Variants in UGT1A10 observed in about 807,000 individuals in gnomAD.
The protein encoded by UGT1A10 is UDP-glucuronosyltransferase 1A10.
A neutral mutation model predicts 45.8 loss-of-function variants in UGT1A10; 49 were observed. The observed-to-expected ratio is 1.07, with a 90% CI of 0.85 to 1.36. The LOEUF is 1.36. UGT1A10 is among the 40% of genes most tolerant of loss of function. The pLI, the probability that UGT1A10 is intolerant of heterozygous loss-of-function variation, is 0.00. For missense variants in UGT1A10, 745 were observed against 668.6 expected (o/e 1.11, Z -1.26); for synonymous variants, 284 against 249.7 (o/e 1.14, Z -1.29).
intron 1 of UGT1A10, among the ~76,000 whole-genome samples, chr2:233,703,657 T>C (rs757009493): frequency 5.9e-5 from 9 of 152,190 alleles, no homozygotes; most frequent in Non-Finnish European, 1.0e-4. Flanking sequence ...GCATTTCTTT[T>C]GGTTGCTGTT....
chr2:233,678,363 C>T (rs529692240), intron 1 of UGT1A10, among the ~76,000 whole-genome samples: 3 of 152,166 alleles, frequency 2.0e-5, no homozygotes, highest in Non-Finnish European at 4.4e-5. Flanking sequence ...CCATCCTCAT[C>T]ATCTTCCATT....
At chr2:233,689,950 A>C (rs2074967495) in intron 1 of UGT1A10, 1 of 456,442 alleles carries the variant, frequency 2.2e-6, no homozygotes, top group Non-Finnish European at 4.4e-6. Flanking sequence ...ATTTTCCTTT[A>C]TTTCCATGCT....
At position 233,701,657 on chromosome 2, in the gene UGT1A10, G is replaced by A. The variant is rs1037742895; in HGVS notation, c.855+64280G>A. On this transcript the variant is annotated intron_variant, in intron 1 of 4. Coordinates refer to ENST00000344644, the MANE Select transcript of UGT1A10 (RefSeq NM_019075.4). ...ATAGCAAACTGTCTCTCAGACCACA[G>A]TGCAATCAAACTAGAACTCAGAATT... Among the ~76,000 whole-genome samples, 7 of 152,304 alleles carry A rather than the reference G, an allele frequency of 4.6e-5. No individual in the cohort carries two copies. The East Asian group carries it at 9.6e-4, about 21-fold the overall frequency.
intron 1 of UGT1A10, among the ~76,000 whole-genome samples, chr2:233,735,786 T>C (rs1470873966): frequency 1.3e-5 from 2 of 152,218 alleles, no homozygotes; most frequent in Non-Finnish European, 2.9e-5. Context: ...TTTGGCTGCA[T>C]ATGAATTTCT....
chr2:233,652,997 G>A (rs566432975), intron 1 of UGT1A10, among the ~76,000 whole-genome samples: 5 of 152,134 alleles, frequency 3.3e-5, no homozygotes, highest in Non-Finnish European at 5.9e-5. Context: ...GTGTGTCAAG[G>A]ACACTATCGA....
Position 233,769,795 on chromosome 2 carries a change from C to A in UGT1A10, c.1295+1356C>A. 1 of 1,235,564 alleles carries A rather than the reference C, an allele frequency of 8.1e-7. No homozygotes were observed. The highest frequency in any genetic ancestry group is 1.1e-6 in the Non-Finnish European group (1 of 932,226). 76.5% of individuals were successfully genotyped at this position (1,235,564 alleles called of 1,614,324 possible). On this transcript the variant is annotated intron_variant, in intron 4 of 4. Coordinates refer to ENST00000344644, the MANE Select transcript of UGT1A10 (RefSeq NM_019075.4). This position sits in a 1 kb window ranked among gnomAD's most constrained non-coding sequence, Gnocchi z 4.4. ...GCTTGAGCCCAGAAGTTGGAGGCTG[C>A]TATGAGCCGTGATCATGCCACTGCA...
chr2:233,720,218 T>C (rs1362764993), intron 1 of UGT1A10, among the ~76,000 whole-genome samples: 2 of 152,126 alleles, frequency 1.3e-5, no homozygotes, highest in African/African-American at 2.4e-5. Context: ...GATGGATGCA[T>C]GTGATCAGAG....
At chr2:233,724,656 G>C (rs1447865795) in intron 1 of UGT1A10, among the ~76,000 whole-genome samples, 2 of 142,148 alleles carry the variant, frequency 1.4e-5, no homozygotes, top group African/African-American at 5.4e-5. Context: ...CTGGGAAGAG[G>C]CGCTCCTCAC....
At chr2:233,690,939 C>T in intron 1 of UGT1A10, 1 of 1,018,018 alleles carries the variant, frequency 9.8e-7, no homozygotes, top group Non-Finnish European at 1.2e-6. Flanking sequence ...CTTCCTCCAA[C>T]TCATGTTCTG....
chr2:233,747,622 T>G, intron 1 of UGT1A10: 6 of 1,577,576 alleles, frequency 3.8e-6, no homozygotes, highest in Non-Finnish European at 5.2e-6. Context: ...AATGAGGCCC[T>G]GATCAGGCAC....
intron 1 of UGT1A10, among the ~76,000 whole-genome samples, chr2:233,762,430 C>G (rs796065862): frequency 1.7e-4 from 26 of 152,296 alleles, no homozygotes; most frequent in African/African-American, 6.3e-4. Context: ...AATAGAGTAA[C>G]AGTGTATTCC....
chr2:233,643,727 G>A (rs751397824), intron 1 of UGT1A10, among the ~76,000 whole-genome samples: 11 of 152,134 alleles, frequency 7.2e-5, no homozygotes, highest in Non-Finnish European at 1.5e-4. Context: ...TTTCACTGCT[G>A]GTATTCAGGT....
At position 233,713,884 on chromosome 2, in the gene UGT1A10, C is replaced by T. The variant is rs182934742; in HGVS notation, c.856-53150C>T. 373 of 1,613,558 alleles carry T rather than the reference C, an allele frequency of 2.3e-4. 1 individual carries two copies. The African/African-American group carries it at 4.1e-3, about 18-fold the overall frequency. On this transcript the variant is annotated intron_variant, in intron 1 of 4. Coordinates refer to ENST00000344644, the MANE Select transcript of UGT1A10 (RefSeq NM_019075.4). ...GTCTGTATTGGTGCCTTTATCCAAT[C>T]AATGTTCCAGGCAAAACACTTTTTA...
chr2:233,655,527 C>T (rs2073835530), intron 1 of UGT1A10, among the ~76,000 whole-genome samples: 1 of 152,184 alleles, frequency 6.6e-6, no homozygotes. Flanking sequence ...GTGACAAGTT[C>T]CTTCCATGCA....
intron 1 of UGT1A10, 105 bp from the exon 2 acceptor site, chr2:233,766,924 ATGCCT>A: frequency 6.4e-7 from 1 of 1,565,450 alleles, no homozygotes; most frequent in Non-Finnish European, 8.6e-7. Context: ...TCAAACACGC[ATGCCT>A]TTAATCATAG....
At chr2:233,757,247 G>C (rs1244146616) in intron 1 of UGT1A10, among the ~76,000 whole-genome samples, 2 of 143,632 alleles carry the variant, frequency 1.4e-5, no homozygotes. Flanking sequence ...GGTGAGGTGG[G>C]GTTATTCAGG....
At chr2:233,693,263 C>A (rs2075141941) in intron 1 of UGT1A10, 2 of 1,613,974 alleles carry the variant, frequency 1.2e-6, no homozygotes, top group African/African-American at 2.7e-5. Flanking sequence ...CCAAGAAGAG[C>A]TGAAGAACCG....
chr2:233,721,742 G>A lies in UGT1A10; in HGVS notation c.856-45292G>A, dbSNP rs752644717. On this transcript the variant is annotated intron_variant, in intron 1 of 4. Transcript: ENST00000344644. ...TTTACTTGGATAAGCTTAATGATGA[G>A]AGAATCTACATCTAAATTGTTATAT... 6 of 435,954 alleles carry A rather than the reference G, an allele frequency of 1.4e-5. No individual in the cohort carries two copies. The East Asian group carries it at 1.9e-4, about 14-fold the overall frequency. The allele number at this position is 435,954 out of a possible 1,614,324, so 27.0% of individuals were successfully genotyped here. A position where few individuals can be genotyped will look rare whatever the true frequency, so the allele number is the denominator to read the frequency against.
At chr2:233,743,177 G>A (rs1692221574) in intron 1 of UGT1A10, 2 of 366,924 alleles carry the variant, frequency 5.5e-6, no homozygotes. Context: ...AAAGTCAAAT[G>A]TGGACTGGAA....
Sources: gnomAD v4.1 joint callset for allele counts (sites outside exome capture counted in the v4.1 genomes callset) on GRCh38, gnomAD v4.1.1 for gene constraint, Gnocchi (gnomAD v3.1) non-coding constraint, MANE v1.5 for transcripts, NCBI Gene and HGNC (gene_info 2026-07-23, HGNC 2026-07-21) for gene names.